LTA4H: variants seen among roughly 807,000 people sequenced by gnomAD.
LTA4H encodes leukotriene A-4 hydrolase.
In LTA4H, 59 loss-of-function variants were observed where a neutral mutation model predicts 89.8. That is an observed-to-expected ratio of 0.66 (90% CI 0.53 to 0.82). LTA4H has a LOEUF of 0.82. LTA4H is among the 40% of genes least tolerant of loss of function. The pLI is 0.00. For missense variants in LTA4H, 617 were observed against 727.0 expected (o/e 0.85, Z 1.74); for synonymous variants, 227 against 253.1 (o/e 0.90, Z 0.98).
intron 3 of LTA4H, among the ~76,000 whole-genome samples, chr12:96,026,405 T>C (rs1174118222): frequency 5.3e-5 from 8 of 152,208 alleles, no homozygotes; most frequent in Admixed American, 5.2e-4. Flanking sequence ...AATGGAATAA[T>C]ATATTCAAAA....
intron 16 of LTA4H, among the ~76,000 whole-genome samples, chr12:96,004,557 G>A (rs1194030032): frequency 1.3e-5 from 2 of 152,136 alleles, no homozygotes; most frequent in Admixed American, 6.5e-5. Flanking sequence ...GGACAAGTTT[G>A]GGTGAAGGAA....
At chr12:96,043,381 A>T (rs771549817) in exon 1 of LTA4H, 12 of 1,518,894 alleles carry the variant, frequency 7.9e-6, no homozygotes, top group Non-Finnish European at 1.1e-5. Context: ...AGCATGGGAG[A>T]CAGATTAGAG....
chr12:96,001,165 A>C, intron 18 of LTA4H, 59 bp from the exon 19 acceptor site: 1 of 1,040,026 alleles, frequency 9.6e-7, no homozygotes, highest in Non-Finnish European at 1.5e-6. Flanking sequence ...GAGGAGGAGA[A>C]AGGGAGGGAG....
In LTA4H at chr12:96,006,358, A is replaced by AG; in HGVS notation, c.1485dup (p.Ser496LeufsTer7). The AG allele has an allele frequency of 6.2e-7, 1 of 1,612,260 alleles. No individual in the cohort carries two copies. The highest frequency in any genetic ancestry group is 8.5e-7 in the Non-Finnish European group (1 of 1,179,128). On this transcript the variant is annotated frameshift_variant, in exon 16 of 19. Coordinates refer to ENST00000228740, the MANE Select transcript of LTA4H (RefSeq NM_000895.3). LOFTEE classifies it high-confidence loss of function. ...AAAAACTCATTCAATTGATGAGAAG[A>AG]GAGATCCTTCAGGTCTGTGGCATTG...
chr12:96,005,518 C>G (rs1950183796), intron 16 of LTA4H, among the ~76,000 whole-genome samples: 1 of 152,060 alleles, frequency 6.6e-6, no homozygotes, highest in Non-Finnish European at 1.5e-5. Context: ...CTAGTGTTAC[C>G]TTCACTGACT....
intron 3 of LTA4H, among the ~76,000 whole-genome samples, chr12:96,026,391 A>C (rs1416077971): frequency 2.6e-5 from 4 of 152,234 alleles, no homozygotes; most frequent in African/African-American, 7.2e-5. Context: ...TGCTGCCAAT[A>C]AGAAATGGAA....
At chr12:96,023,928 G>T (rs1950482476) in intron 4 of LTA4H, among the ~76,000 whole-genome samples, 1 of 150,998 alleles carries the variant, frequency 6.6e-6, no homozygotes, top group Non-Finnish European at 1.5e-5. Flanking sequence ...TTGTTTTTTT[G>T]TTTTTTGGGT....
rs186511874 is a variant in LTA4H at position 96,024,576 on chromosome 12, G to C, written c.412-29C>G. On this transcript the variant is annotated intron_variant, in intron 3 of 18. Coordinates refer to ENST00000228740, the MANE Select transcript of LTA4H (RefSeq NM_000895.3). Reference sequence around the variant, plus strand: ...AAAAAGGGAGAAACAAGAAGAAATAGCTATTTATCTTTCGCATAAGTCATT... The same window carrying C: ...AAAAAGGGAGAAACAAGAAGAAATACCTATTTATCTTTCGCATAAGTCATT... 2.8e-6 allele frequency: 4 copies of C among 1,425,852 alleles called. No homozygotes were observed. The East Asian group carries it at 6.8e-5, about 24-fold the overall frequency. 88.3% of individuals were successfully genotyped at this position (1,425,852 alleles called of 1,614,324 possible).
intron 2 of LTA4H, chr12:96,028,111 G>C (rs1950532029): frequency 6.6e-6 from 1 of 152,156 alleles, no homozygotes; most frequent in African/African-American, 2.4e-5. Context: ...CATTTTTATT[G>C]CATTGTACAA....
chr12:96,012,128 A>T (rs61054267), intron 14 of LTA4H: 1 of 152,094 alleles, frequency 6.6e-6, no homozygotes, highest in Admixed American at 6.6e-5. Context: ...TTCCATACTC[A>T]GAACTCCCAG....
At chr12:96,026,799 T>C (rs1399928366) in intron 3 of LTA4H, among the ~76,000 whole-genome samples, 1 of 152,242 alleles carries the variant, frequency 6.6e-6, no homozygotes, top group Non-Finnish European at 1.5e-5. Context: ...ATTTGATTAC[T>C]ATGAAAAGTA....
chr12:96,015,558 GT>G (rs1950362340), intron 11 of LTA4H, 24 bp downstream of exon 11: 1 of 1,535,072 alleles, frequency 6.5e-7, no homozygotes, highest in Non-Finnish European at 9.0e-7. Context: ...TTGGATGAAG[GT>G]TTTTAAAACT....
At position 96,017,029 on chromosome 12, in the gene LTA4H, TAAC is replaced by T. The variant is rs749458815; in HGVS notation, c.947+12_947+14del. ...GCAACATGAACCAATAAAGAAATAA[TAAC>T]AAAAATCTTACCAAAAGTGATCCCA... On this transcript the variant is annotated intron_variant, in intron 10 of 18. Coordinates refer to ENST00000228740, the MANE Select transcript of LTA4H (RefSeq NM_000895.3). 1.9e-6 allele frequency: 3 copies of T among 1,578,712 alleles called. No homozygotes were observed. Among genetic ancestry groups the T allele is most frequent in the African/African-American group, 2.7e-5 (2 of 74,160 alleles).
intron 3 of LTA4H, among the ~76,000 whole-genome samples, chr12:96,025,723 A>G (rs1950506088): frequency 6.6e-6 from 1 of 151,672 alleles, no homozygotes; most frequent in Non-Finnish European, 1.5e-5. Context: ...GCTACTCAGG[A>G]GGCTGAGGTA....
chr12:96,024,385 A>G (rs1754344044), intron 4 of LTA4H, 94 bp downstream of exon 4: 8 of 699,884 alleles, frequency 1.1e-5, no homozygotes, highest in African/African-American at 1.8e-5. Flanking sequence ...AAATAATTCT[A>G]GCTCTAGGAA....
chr12:96,022,227 C>T lies in LTA4H; in HGVS notation c.505G>A (p.Ala169Thr), dbSNP rs1230311653. The T allele has an allele frequency of 1.9e-6, 3 of 1,613,056 alleles. No individual in the cohort carries two copies. The South Asian group carries it at 3.3e-5, about 18-fold the overall frequency. Residue 169 changes from alanine (A) to threonine (T), a missense_variant, in exon 5 of 19, where the codon GCA becomes ACA. Around this residue, in one of 3 missense-constraint regions of LTA4H, gnomAD observed 172 missense variants for 244.5 expected, o/e 0.70. Transcript: ENST00000228740. This position sits in a 1 kb window ranked among gnomAD's most constrained non-coding sequence, Gnocchi z 4.0. Reference protein sequence around the residue: ...AEVSVPKELVALMSAIRDGET... With the variant: ...AEVSVPKELVTLMSAIRDGET... ...CCATCACGAATAGCACTCATAAGTG[C>T]CACCAGTTCTTTAGGGACAGACACC...
intron 12 of LTA4H, chr12:96,014,134 G>C (rs1420858105): frequency 4.2e-6 from 1 of 239,050 alleles, no homozygotes; most frequent in Admixed American, 5.6e-5. Context: ...CATAACCCAA[G>C]TTCTAAAAGC....
At chr12:96,041,674 C>T (rs955548959) in intron 1 of LTA4H, among the ~76,000 whole-genome samples, 1 of 152,192 alleles carries the variant, frequency 6.6e-6, no homozygotes, top group Non-Finnish European at 1.5e-5. Context: ...CAAAGTCTCT[C>T]TGTGTCGCCC....
Position 96,013,204 on chromosome 12 carries a change from GC to G in LTA4H, c.1362del (p.Pro455LeufsTer3). On this transcript the variant is annotated frameshift_variant, in exon 14 of 19. Transcript: ENST00000228740. LOFTEE classifies it high-confidence loss of function. ...AGTACTTACTTGGGCTTTATGGGAG[GC>G]AGTCCAGGAGAGTAGAGCCAGGCAT... ...DWNAWLYSPG[L>X]PPIKPNYDMT... is the part of the protein sequence containing the mutation. 6.2e-7 allele frequency: 1 copy of G among 1,613,312 alleles called. No homozygotes were observed. The highest frequency in any genetic ancestry group is 8.5e-7 in the Non-Finnish European group (1 of 1,179,400).
Sources: gnomAD v4.1 joint callset for allele counts (sites outside exome capture counted in the v4.1 genomes callset) on GRCh38, gnomAD v4.1.1 for gene constraint, gnomAD v4.1.1 regional missense constraint, Gnocchi (gnomAD v3.1) non-coding constraint, MANE v1.5 for transcripts, NCBI Gene and HGNC (gene_info 2026-07-23, HGNC 2026-07-21) for gene names.